ZFPM1: variants seen among roughly 807,000 people sequenced by gnomAD.
ZFPM1 encodes the protein zinc finger protein, FOG family member 1.
In ZFPM1, 28 loss-of-function variants were observed where a neutral mutation model predicts 46.3. The observed-to-expected ratio is 0.60, with a 90% CI of 0.45 to 0.83. The LOEUF (loss-of-function observed/expected upper bound fraction) is 0.83, where lower values mean the gene tolerates loss of function less well. Among genes scored for constraint, ZFPM1 ranks in the 40% least tolerant of loss-of-function variants. The pLI is 0.00. For missense variants in ZFPM1, 1,878 were observed against 1,432.4 expected, an observed-to-expected ratio of 1.31 and a Z score of -5.02; for synonymous variants, 957 against 675.9, an observed-to-expected ratio of 1.42 and a Z score of -6.45.
chr16:88,462,025 A>G (rs1254430798), intron 1 of ZFPM1, among the ~76,000 whole-genome samples: 1 of 152,120 alleles, frequency 6.6e-6, no homozygotes, highest in Non-Finnish European at 1.5e-5. Context: ...CGGCCTCCCC[A>G]TCTCCTCCTC....
At chr16:88,488,756 G>C (rs1909385611) in intron 2 of ZFPM1, among the ~76,000 whole-genome samples, 1 of 152,226 alleles carries the variant, frequency 6.6e-6, no homozygotes, top group African/African-American at 2.4e-5. Context: ...GGCCGGGACA[G>C]GCCAGTTGGC....
rs1909987779 is a variant in ZFPM1, at chr16:88,497,352, G to A, written c.268+8199G>A. Among the ~76,000 whole-genome samples, 2 of 152,058 alleles carry A rather than the reference G, an allele frequency of 1.3e-5. No homozygotes were observed. Among genetic ancestry groups the A allele is most frequent in the Non-Finnish European group, 1.5e-5 (1 of 68,006 alleles). On this transcript the variant is annotated intron_variant, in intron 3 of 9. Transcript: ENST00000319555. The surrounding 1 kb of genome is among the most constrained non-coding windows in gnomAD (Gnocchi z 5.4). ...TGCACAAGGAGCTGGCTCAGGGCCT[G>A]AGTTTCAAGTGGTCAGTGGTGGCTG... is the stretch of plus-strand genomic sequence containing the variant.
chr16:88,527,841 G>A (rs1912465493), intron 5 of ZFPM1, among the ~76,000 whole-genome samples, 191 bp from the exon 6 acceptor site: 1 of 151,058 alleles, frequency 6.6e-6, no homozygotes, highest in Non-Finnish European at 1.5e-5. Flanking sequence ...AGGCCTGGAG[G>A]CAGGCAGGCT....
In ZFPM1 at chr16:88,479,339, CA is replaced by C. The variant is rs756033525; in HGVS notation, c.41-6599del. Among the ~76,000 whole-genome samples the C allele has an allele frequency of 6.6e-5, 10 of 152,230 alleles. No individual in the cohort carries two copies. In the East Asian group the frequency reaches 1.2e-3, roughly 18 times the overall value. On this transcript the variant is annotated intron_variant, in intron 1 of 9. Transcript: ENST00000319555. ...GGATGAGAGATGCTCCTAGCTGGGC[CA>C]GGGGGTGTGGACAGCATCAGCCACT...
At chr16:88,492,879 A>G (rs1054341623) in intron 3 of ZFPM1, among the ~76,000 whole-genome samples, 1 of 152,176 alleles carries the variant, frequency 6.6e-6, no homozygotes, top group Non-Finnish European at 1.5e-5. Flanking sequence ...CCCGCTGCAC[A>G]CATAAGTGAG....
intron 3 of ZFPM1, among the ~76,000 whole-genome samples, chr16:88,505,176 G>A (rs944367739): frequency 9.2e-5 from 14 of 152,212 alleles, no homozygotes; most frequent in East Asian, 7.7e-4. Context: ...TCCCTCGCCC[G>A]GTGGCTGACG....
At chr16:88,527,400 G>A (rs1261694598) in intron 5 of ZFPM1, among the ~76,000 whole-genome samples, 4 of 152,154 alleles carry the variant, frequency 2.6e-5, no homozygotes, top group Admixed American at 2.0e-4. Flanking sequence ...TGGCACGTCT[G>A]GGTGGCCTGC....
rs1597230020 is a variant in ZFPM1, at chr16:88,466,099, C to T, written c.40+12421C>T. Among the ~76,000 whole-genome samples the T allele has an allele frequency of 2.0e-5, 3 of 152,172 alleles. No individual in the cohort carries two copies. In the East Asian group the frequency reaches 5.8e-4, roughly 29 times the overall value. On this transcript the variant is annotated intron_variant, in intron 1 of 9. Transcript: ENST00000319555. The stretch of plus-strand genomic sequence containing the variant: ...GGTGCAGGCCAGCTTGCCATTTCCC[C>T]CTTCCTGGATTTTATATTTTGAGTG...
intron 4 of ZFPM1, among the ~76,000 whole-genome samples, chr16:88,525,797 C>T (rs1338410432): frequency 6.6e-6 from 1 of 152,232 alleles, no homozygotes; most frequent in Admixed American, 6.5e-5. Flanking sequence ...TCCCAGCCCC[C>T]GACTGCACTG....
chr16:88,487,000 CCACCCTCACAGG>C (rs1035546348), intron 2 of ZFPM1, among the ~76,000 whole-genome samples: 1 of 152,204 alleles, frequency 6.6e-6, no homozygotes, highest in Non-Finnish European at 1.5e-5. Flanking sequence ...CTGATTTCCT[CCACCCTCACAGG>C]CACCTCCACA....
chr16:88,467,924 G>GC (rs1315503016), intron 1 of ZFPM1, among the ~76,000 whole-genome samples: 3 of 152,184 alleles, frequency 2.0e-5, no homozygotes, highest in African/African-American at 7.2e-5. Context: ...GAGCTGAGCG[G>GC]CCCCCCTTCC....
chr16:88,519,580 G>A (rs1209995408), intron 4 of ZFPM1, among the ~76,000 whole-genome samples: 3 of 142,654 alleles, frequency 2.1e-5, no homozygotes. Context: ...GGATGAATGG[G>A]AGGGTGGGTG....
At chr16:88,458,252 T>C (rs142678823) in intron 1 of ZFPM1, among the ~76,000 whole-genome samples, 3,484 of 152,236 alleles carry the variant, frequency 0.023, 124 homozygotes, top group African/African-American at 0.08. Flanking sequence ...TCAGCCTCAG[T>C]CTCCACATCT....
At chr16:88,495,868 A>C (rs1194116128) in intron 3 of ZFPM1, among the ~76,000 whole-genome samples, 1 of 152,070 alleles carries the variant, frequency 6.6e-6, no homozygotes. Context: ...ACAAAATGCA[A>C]CTGGGCCATG....
At chr16:88,490,801 C>T (rs999410273) in intron 3 of ZFPM1, among the ~76,000 whole-genome samples, 1 of 152,144 alleles carries the variant, frequency 6.6e-6, no homozygotes, top group African/African-American at 2.4e-5. Flanking sequence ...TCATGGCCAC[C>T]GGTCCTCACG....
intron 6 of ZFPM1, among the ~76,000 whole-genome samples, chr16:88,528,642 C>T (rs904572480): frequency 2.0e-5 from 3 of 152,226 alleles, no homozygotes; most frequent in African/African-American, 7.2e-5. Flanking sequence ...CCCTGGACAC[C>T]ACGGGGGGTG....
At chr16:88,494,630 G>A (rs959388811) in intron 3 of ZFPM1, among the ~76,000 whole-genome samples, 104 of 152,324 alleles carry the variant, frequency 6.8e-4, no homozygotes, top group African/African-American at 2.4e-3. Flanking sequence ...GGGAGCAGAG[G>A]GTGCAGTAGA....
At chr16:88,518,922 G>C (rs2142444857) in intron 4 of ZFPM1, among the ~76,000 whole-genome samples, 1 of 149,172 alleles carries the variant, frequency 6.7e-6, no homozygotes, top group South Asian at 2.1e-4. Flanking sequence ...ATAGTGGGTA[G>C]ATGGATGGAT....
At chr16:88,498,085 T>G (rs1910041458) in intron 3 of ZFPM1, among the ~76,000 whole-genome samples, 1 of 152,112 alleles carries the variant, frequency 6.6e-6, no homozygotes. Flanking sequence ...GAGGGGGCCC[T>G]GGCGGATGGC....
Sources: allele counts gnomAD v4.1 joint callset (sites outside exome capture counted in the v4.1 genomes callset), GRCh38; gene constraint gnomAD v4.1.1; non-coding constraint Gnocchi (gnomAD v3.1); transcripts MANE v1.5; gene names NCBI Gene and HGNC (gene_info 2026-07-23, HGNC 2026-07-21).